Variants in DENND1C observed in about 807,000 individuals in gnomAD.
The protein encoded by DENND1C is DENN domain-containing protein 1C.
In DENND1C, 64 loss-of-function variants were observed where a neutral mutation model predicts 87.9. The observed-to-expected ratio is 0.73, with a 90% CI of 0.60 to 0.90. The LOEUF is 0.90. DENND1C is among the 40% of genes least tolerant of loss of function. The probability of loss-of-function intolerance (pLI) is 0.00; values close to 1 mark genes in which losing one functional copy is unlikely to be tolerated. For missense variants in DENND1C, 980 were observed against 1,037.0 expected (o/e 0.95, Z 0.76); for synonymous variants, 384 against 424.4 (o/e 0.90, Z 1.17).
intron 1 of DENND1C, 167 bp downstream of exon 1, chr19:6,481,512 C>A (rs906616199): frequency 1.1e-6 from 1 of 927,036 alleles, no homozygotes; most frequent in Admixed American, 2.7e-5. Context: ...TGGCCTGTCC[C>A]AGAGTGAAGG....
At chr19:6,469,369 C>G in intron 19 of DENND1C, 1 of 542,658 alleles carries the variant, frequency 1.8e-6, no homozygotes, top group Non-Finnish European at 3.3e-6. Context: ...TCTCTGTCAC[C>G]CAGGCTGGTG....
In DENND1C at chr19:6,467,371, A is replaced by G; in HGVS notation, c.*133T>C. 8.0e-7 allele frequency: 1 copy of G among 1,247,212 alleles called. No homozygotes were observed. Among genetic ancestry groups the G allele is most frequent in the Non-Finnish European group, 1.1e-6 (1 of 943,030 alleles). 77.3% of individuals were successfully genotyped at this position (1,247,212 alleles called of 1,614,324 possible). The stretch of plus-strand genomic sequence containing the variant: ...AGCCAGTTAGAGAGGCTGCCCTTGG[A>G]GGGACAGAGGTGGGTGGGATGGATT... On this transcript the variant is annotated 3_prime_UTR_variant, in exon 23 of 23. Coordinates refer to ENST00000381480, the MANE Select transcript of DENND1C (RefSeq NM_024898.4).
chr19:6,471,355 G>C (rs753228141), intron 16 of DENND1C, 50 bp from the exon 17 acceptor site: 1 of 1,589,696 alleles, frequency 6.3e-7, no homozygotes, highest in Non-Finnish European at 8.6e-7. Flanking sequence ...CTGAGGCTGG[G>C]GGTGCTGGTG....
rs532895413 is a variant in DENND1C at position 6,479,293 on chromosome 19, T to C, written c.177-237A>G. On this transcript the variant is annotated intron_variant, in intron 4 of 22. Transcript: ENST00000381480. ...TCTGGGTTTCTGGATCTCTGGGTCC[T>C]TGAATCCCTAAGTCCCTGGGTTCCT... Among the ~76,000 whole-genome samples, 572 of 142,980 alleles carry C rather than the reference T, an allele frequency of 4.0e-3. 4 individuals carry two copies. The highest frequency in any genetic ancestry group is 0.016 in the African/African-American group (541 of 33,834). The allele number at this position is 142,980 out of a possible 152,430, so 93.8% of individuals were successfully genotyped here. A position where few individuals can be genotyped will look rare whatever the true frequency, so the allele number is the denominator to read the frequency against.
intron 17 of DENND1C, 65 bp downstream of exon 17, chr19:6,471,200 C>A: frequency 6.5e-7 from 1 of 1,546,300 alleles, no homozygotes; most frequent in Non-Finnish European, 8.8e-7. Context: ...CTATCTCCAC[C>A]TCCTAATGTG....
chr19:6,471,120 T>G, intron 17 of DENND1C, 145 bp downstream of exon 17: 2 of 1,165,132 alleles, frequency 1.7e-6, no homozygotes, highest in South Asian at 1.4e-5. Flanking sequence ...GAATTTTTTT[T>G]TTTTCAGTAG....
rs1298282967 is a variant in DENND1C at position 6,471,490 on chromosome 19, C to G, written c.1165G>C (p.Glu389Gln). Residue 389 changes from glutamate (E) to glutamine (Q), a missense_variant, in exon 16 of 23, where the codon GAA (glutamate) becomes CAA (glutamine). Transcript: ENST00000381480. ...VHLQLFKQFI[E>Q]ARLEKLNKGE... Reference sequence around the variant, plus strand: ...TTGTTGAGCTTCTCCAGCCGGGCTTCGATGAACTGGGGTGGGGGACAGTAA... The same window carrying G: ...TTGTTGAGCTTCTCCAGCCGGGCTTGGATGAACTGGGGTGGGGGACAGTAA... 6.4e-7 allele frequency: 1 copy of G among 1,559,958 alleles called. No homozygotes were observed. Among genetic ancestry groups the G allele is most frequent in the Non-Finnish European group, 8.7e-7 (1 of 1,151,788 alleles).
At chr19:6,469,747 T>A (rs2092817552) in intron 18 of DENND1C, 107 bp from the exon 19 acceptor site, 2 of 1,197,852 alleles carry the variant, frequency 1.7e-6, no homozygotes, top group African/African-American at 1.5e-5. Flanking sequence ...CATCTGCATG[T>A]CTCAAATACG....
At chr19:6,469,681 A>C in intron 18 of DENND1C, 41 bp from the exon 19 acceptor site, 1 of 1,580,218 alleles carries the variant, frequency 6.3e-7, no homozygotes, top group Non-Finnish European at 8.6e-7. Flanking sequence ...GGGTGGTGGG[A>C]TCCTGGGCAT....
chr19:6,479,835 G>A, intron 3 of DENND1C, 24 bp downstream of exon 3: 4 of 1,612,834 alleles, frequency 2.5e-6, no homozygotes, highest in Non-Finnish European at 3.4e-6. Flanking sequence ...TCGCCCTGGG[G>A]GAGCAAGGAG....
At position 6,467,555 on chromosome 19, in the gene DENND1C, C is replaced by G. The variant is rs778032935; in HGVS notation, c.2355G>C (p.Gln785His). Reference protein sequence around the residue: ...ATPTSNCQKSQPSSRPRVADL... With the variant: ...ATPTSNCQKSHPSSRPRVADL... Reference sequence around the variant, plus strand: ...CAGCGACTCTGGGCCGGCTGCTGGGCTGGGACTTTTGACAGTTGCTGGTGG... The same window carrying G: ...CAGCGACTCTGGGCCGGCTGCTGGGGTGGGACTTTTGACAGTTGCTGGTGG... Residue 785 changes from glutamine to histidine, a missense_variant, in exon 23 of 23, where the codon CAG (glutamine) becomes CAC (histidine). Transcript: ENST00000381480. 8 of 1,607,960 alleles carry G rather than the reference C, an allele frequency of 5.0e-6. No individual in the cohort carries two copies. The highest frequency in any genetic ancestry group is 1.3e-5 in the African/African-American group (1 of 74,380).
In DENND1C at chr19:6,481,733, AG is replaced by A. The variant is rs1326811335; in HGVS notation, c.-39del. On this transcript the variant is annotated 5_prime_UTR_variant, in exon 1 of 23. Transcript: ENST00000381480. ...GCCAGCCCAGCGGGGCCCTCTCCCC[AG>A]GGGTCCTGGGGGCCTGTGTATGCTG... 7 of 1,540,092 alleles carry A rather than the reference AG, an allele frequency of 4.5e-6. No homozygotes were observed. The South Asian group carries it at 8.7e-5, about 19-fold the overall frequency.
At position 6,467,281 on chromosome 19, in the gene DENND1C, G is replaced by C; in HGVS notation, c.*223C>G. On this transcript the variant is annotated 3_prime_UTR_variant, in exon 23 of 23. Transcript: ENST00000381480. The stretch of plus-strand genomic sequence containing the variant: ...AGCTGAGATGGAAGTGACAAATGCC[G>C]AGAGGAATTGTAAGGTTGCCAGGAT... 1.8e-6 allele frequency: 1 copy of C among 568,516 alleles called. No individual in the cohort carries two copies. Among genetic ancestry groups the C allele is most frequent in the South Asian group, 3.9e-5 (1 of 25,476 alleles). The allele number at this position is 568,516 out of a possible 1,614,324, so 35.2% of individuals were successfully genotyped here.
intron 1 of DENND1C, 34 bp downstream of exon 1, chr19:6,481,645 T>C: frequency 6.2e-7 from 1 of 1,612,302 alleles, no homozygotes; most frequent in Non-Finnish European, 8.5e-7. Context: ...CCGGGAATCT[T>C]GTACCAGAGA....
intron 4 of DENND1C, among the ~76,000 whole-genome samples, chr19:6,479,396 T>C (rs546540237): frequency 3.0e-4 from 39 of 128,536 alleles, no homozygotes; most frequent in African/African-American, 1.6e-3. Flanking sequence ...CCCTGAATCC[T>C]TGTGTCCCTG....
rs139920554 is a variant in DENND1C, at chr19:6,468,654, G to A, written c.1516-9C>T. 1,337 of 1,474,922 alleles carry A rather than the reference G, an allele frequency of 9.1e-4. 3 individuals are homozygous for A. The highest frequency in any genetic ancestry group is 1.1e-3 in the Non-Finnish European group (1,272 of 1,114,142). The allele number at this position is 1,474,922 out of a possible 1,614,324, so 91.4% of individuals were successfully genotyped here. ...GGGCGAAGGGGCCGGTTCTGCAAAG[G>A]GTGGGGGCGATAGGACCTCAGGAGA... On this transcript the variant is annotated splice_polypyrimidine_tract_variant and intron_variant, in intron 20 of 22. Transcript: ENST00000381480.
Position 6,475,944 on chromosome 19 carries a change from A to T in DENND1C, c.679-7T>A. On this transcript the variant is annotated splice_polypyrimidine_tract_variant and splice_region_variant and intron_variant, in intron 10 of 22. Coordinates refer to ENST00000381480, the MANE Select transcript of DENND1C (RefSeq NM_024898.4). ...CGTGGACGCACGAGGTCAGCTGGGG[A>T]GCGATGGCGGGGCGTGGAGTCAGGG... 6.4e-7 allele frequency: 1 copy of T among 1,552,566 alleles called. No individual in the cohort carries two copies. Among genetic ancestry groups the T allele is most frequent in the Non-Finnish European group, 8.6e-7 (1 of 1,159,204 alleles).
In DENND1C at chr19:6,471,414, GC is replaced by G; in HGVS notation, c.1240del (p.Ala414ProfsTer16). The G allele has an allele frequency of 1.3e-6, 2 of 1,585,416 alleles. No individual in the cohort carries two copies. Among genetic ancestry groups the G allele is most frequent in the Admixed American group, 1.8e-5 (1 of 55,470 alleles). ...QFEQEITGCG[A>X]SSGALRSYQL... ...CTGGACTCAGGGCTCACCTGAGGAG[GC>G]CCCGCAGCCAGTGATCTCCTGCTCG... is the stretch of plus-strand genomic sequence containing the variant. On this transcript the variant is annotated frameshift_variant, in exon 16 of 23. Coordinates refer to ENST00000381480, the MANE Select transcript of DENND1C (RefSeq NM_024898.4). LOFTEE classifies it high-confidence loss of function.
chr19:6,469,888 G>C, intron 18 of DENND1C: 1 of 540,110 alleles, frequency 1.9e-6, no homozygotes, highest in Non-Finnish European at 3.3e-6. Context: ...AGGGCAAGGT[G>C]TTCCTGTTTC....
Sources: gnomAD v4.1 joint callset for allele counts (sites outside exome capture counted in the v4.1 genomes callset) on GRCh38, gnomAD v4.1.1 for gene constraint, MANE v1.5 for transcripts, NCBI Gene and HGNC (gene_info 2026-07-23, HGNC 2026-07-21) for gene names.